The following SYTL3 variants were observed in gnomAD, a reference collection of about 807,000 sequenced individuals.
SYTL3 encodes synaptotagmin like 3, also known as synaptotagmin-like protein 3.
In SYTL3, 88 loss-of-function variants were observed where a neutral mutation model predicts 82.1. That is an observed-to-expected ratio of 1.07 (90% CI 0.90 to 1.28). The LOEUF is 1.28. SYTL3 is among the 50% of genes most tolerant of loss of function. The pLI is 0.00. For synonymous variants in SYTL3, 311 were observed against 289.4 expected, an observed-to-expected ratio of 1.07 and a Z score of -0.76; for missense variants, 831 against 757.6, an observed-to-expected ratio of 1.10 and a Z score of -1.14.
At chr6:158,722,202 C>G (rs758643722) in intron 10 of SYTL3, among the ~76,000 whole-genome samples, 20 of 151,734 alleles carry the variant, frequency 1.3e-4, no homozygotes, top group Non-Finnish European at 2.4e-4. Flanking sequence ...ACTTTGTCAC[C>G]CAGGCTGGAG....
intron 14 of SYTL3, 68 bp from the exon 15 acceptor site, chr6:158,760,572 C>T (rs1352263949): frequency 2.1e-6 from 3 of 1,402,626 alleles, no homozygotes; most frequent in African/African-American, 1.4e-5. Flanking sequence ...GCTGAGACAA[C>T]CAGAGGAACC....
chr6:158,733,123 C>G (rs1046980108), intron 11 of SYTL3, among the ~76,000 whole-genome samples: 4 of 152,136 alleles, frequency 2.6e-5, no homozygotes, highest in Admixed American at 6.5e-5. Context: ...CTTTGTTAAG[C>G]CCTATCCTAT....
intron 4 of SYTL3, chr6:158,663,637 G>A (rs890375199): frequency 2.0e-6 from 2 of 982,648 alleles, no homozygotes; most frequent in African/African-American, 3.5e-5. Flanking sequence ...TAAGTTTGCT[G>A]TCTGCCATCT....
At chr6:158,758,414 G>C (rs1307688551) in intron 14 of SYTL3, among the ~76,000 whole-genome samples, 1 of 146,814 alleles carries the variant, frequency 6.8e-6, no homozygotes, top group African/African-American at 2.5e-5. Context: ...CTTCAGCCTG[G>C]CAACAGAGCG....
chr6:158,646,428 C>T (rs941224673), upstream of SYTL3, among the ~76,000 whole-genome samples: 18 of 152,334 alleles, frequency 1.2e-4, no homozygotes, highest in Middle Eastern at 3.4e-3. Flanking sequence ...CCTCAGCCTC[C>T]CAAAGTGCTG....
At chr6:158,675,542 A>G (rs767010703) in intron 5 of SYTL3, among the ~76,000 whole-genome samples, 1 of 152,190 alleles carries the variant, frequency 6.6e-6, no homozygotes, top group Admixed American at 6.5e-5. Flanking sequence ...GGCCGGTCAC[A>G]GTGGCTCACG....
chr6:158,710,575 C>G (rs1472623468), intron 8 of SYTL3, among the ~76,000 whole-genome samples: 3 of 151,898 alleles, frequency 2.0e-5, no homozygotes, highest in African/African-American at 7.3e-5. Context: ...TTTTTACCTC[C>G]AGCATGGGAC....
At chr6:158,662,639 C>T (rs573258678) in intron 3 of SYTL3, 111 bp from the exon 4 acceptor site, 2 of 152,242 alleles carry the variant, frequency 1.3e-5, no homozygotes, top group African/African-American at 2.4e-5. Flanking sequence ...ATTATCACCG[C>T]GAGCAGAAAA....
chr6:158,748,811 C>G (rs531626379), intron 12 of SYTL3, among the ~76,000 whole-genome samples: 2 of 150,442 alleles, frequency 1.3e-5, no homozygotes, highest in South Asian at 4.2e-4. Context: ...CACCATTGCA[C>G]TCCAGCCTGG....
intron 13 of SYTL3, among the ~76,000 whole-genome samples, chr6:158,754,795 G>A (rs369179795): frequency 6.6e-5 from 10 of 152,254 alleles, no homozygotes; most frequent in African/African-American, 2.4e-4. Flanking sequence ...AAAGGGGCGA[G>A]CAATGGGTAA....
chr6:158,737,366 T>C (rs1236470637), intron 11 of SYTL3, among the ~76,000 whole-genome samples: 1 of 152,214 alleles, frequency 6.6e-6, no homozygotes, highest in African/African-American at 2.4e-5. Context: ...ATGTTCTCAG[T>C]GTGTTCTTAT....
chr6:158,756,210 C>T (rs866601824), intron 13 of SYTL3, among the ~76,000 whole-genome samples: 6 of 152,192 alleles, frequency 3.9e-5, no homozygotes, highest in African/African-American at 1.2e-4. Context: ...TGGGGCAGAA[C>T]CCATGCTTGG....
chr6:158,682,231 G>A (rs1236594663), intron 5 of SYTL3, among the ~76,000 whole-genome samples: 5 of 151,194 alleles, frequency 3.3e-5, no homozygotes, highest in South Asian at 4.2e-4. Context: ...GAGCCACCGC[G>A]CCTGGCTGAT....
intron 8 of SYTL3, among the ~76,000 whole-genome samples, chr6:158,708,599 G>A (rs889126217): frequency 3.2e-4 from 48 of 152,310 alleles, no homozygotes; most frequent in African/African-American, 1.1e-3. Context: ...GGGACCCTCT[G>A]TGTCATCAGC....
intron 10 of SYTL3, among the ~76,000 whole-genome samples, chr6:158,719,031 C>T (rs1451897366): frequency 2.0e-5 from 3 of 152,006 alleles, no homozygotes; most frequent in East Asian, 1.9e-4. Flanking sequence ...CGTCCTGCCT[C>T]CCGCTCCAGC....
intron 7 of SYTL3, 69 bp downstream of exon 7, chr6:158,707,350 A>G: frequency 7.2e-7 from 1 of 1,392,668 alleles, no homozygotes; most frequent in East Asian, 2.3e-5. Context: ...CTCTGCAAGA[A>G]CTTATAGGTC....
chr6:158,685,607 T>C (rs1779214382), intron 6 of SYTL3, among the ~76,000 whole-genome samples: 1 of 152,040 alleles, frequency 6.6e-6, no homozygotes, highest in Non-Finnish European at 1.5e-5. Flanking sequence ...TCATCTGAGA[T>C]TGGGAGTTCG....
intron 5 of SYTL3, 49 bp from the exon 6 acceptor site, chr6:158,682,876 C>A: frequency 7.0e-7 from 1 of 1,424,838 alleles, no homozygotes; most frequent in Non-Finnish European, 9.9e-7. Context: ...AAATATAGCA[C>A]TATTCATATC....
chr6:158,716,986 A>T (rs1783496929), intron 9 of SYTL3, among the ~76,000 whole-genome samples: 1 of 152,270 alleles, frequency 6.6e-6, no homozygotes, highest in African/African-American at 2.4e-5. Context: ...TAAATATAGA[A>T]TTAAAATTAA....
Sources: gnomAD v4.1 joint callset for allele counts (sites outside exome capture counted in the v4.1 genomes callset) on GRCh38, gnomAD v4.1.1 for gene constraint, MANE v1.5 for transcripts, NCBI Gene and HGNC (gene_info 2026-07-23, HGNC 2026-07-21) for gene names.